The following PHF20 variants were observed in gnomAD, a reference collection of about 807,000 sequenced individuals.
PHF20 encodes PHD finger protein 20, also known as glioma-expressed antigen 2.
A neutral mutation model predicts 113.5 loss-of-function variants in PHF20; 23 were observed. The observed-to-expected ratio is 0.20, with a 90% CI of 0.15 to 0.29. The LOEUF is 0.29. Among genes scored for constraint, PHF20 ranks in the 10% least tolerant of loss-of-function variants. PHF20 has a pLI of 1.00. For synonymous variants in PHF20, 434 were observed against 457.3 expected (o/e 0.95, Z 0.65); for missense variants, 943 against 1,219.6 (o/e 0.77, Z 3.38).
At chr20:35,860,993 A>G (rs942822644) in intron 5 of PHF20, among the ~76,000 whole-genome samples, 6 of 152,080 alleles carry the variant, frequency 3.9e-5, no homozygotes, top group Admixed American at 1.3e-4. Flanking sequence ...TCATTTCCCA[A>G]TGGCCTCTGA....
intron 3 of PHF20, among the ~76,000 whole-genome samples, chr20:35,843,395 T>G (rs1277228068): frequency 6.6e-6 from 1 of 150,544 alleles, no homozygotes; most frequent in Non-Finnish European, 1.5e-5. Context: ...GGCGGGCGCC[T>G]GTAATACCAG....
At chr20:35,807,248 TGAACTTTA>T (rs1428643725) in intron 2 of PHF20, among the ~76,000 whole-genome samples, 2 of 152,194 alleles carry the variant, frequency 1.3e-5, no homozygotes, top group Non-Finnish European at 2.9e-5. Flanking sequence ...TTTTACTTTA[TGAACTTTA>T]GTGATGTTTT....
chr20:35,913,267 A>G lies in PHF20; in HGVS notation c.1580A>G (p.Lys527Arg). 6.3e-7 allele frequency: 1 copy of G among 1,599,468 alleles called. No homozygotes were observed. Among genetic ancestry groups the G allele is most frequent in the Non-Finnish European group, 8.5e-7 (1 of 1,171,258 alleles). ...ASSPTTKDKE[K>R]NKEKKFKEFV... ...ATTCTAGCTACAAAAGACAAGGAAA[A>G]GAATAAAGAGAAGAAATTCAAGGAG... is the stretch of plus-strand genomic sequence containing the variant. The change falls in exon 11 of 18, where the codon AAG becomes AGG. Residue 527 changes from lysine to arginine, a missense_variant. Transcript: ENST00000374012.
intron 1 of PHF20, among the ~76,000 whole-genome samples, chr20:35,789,817 A>C (rs2041503838): frequency 7.4e-6 from 1 of 134,918 alleles, no homozygotes; most frequent in Non-Finnish European, 1.5e-5. Flanking sequence ...AAGTGGTGGG[A>C]TTGCAGGCGT....
intron 4 of PHF20, among the ~76,000 whole-genome samples, chr20:35,852,133 A>C (rs2042743400): frequency 6.6e-6 from 1 of 152,108 alleles, no homozygotes; most frequent in African/African-American, 2.4e-5. Context: ...TGAGGTTATA[A>C]AGCGCTTGGA....
chr20:35,933,880 A>G (rs575757642), intron 15 of PHF20, among the ~76,000 whole-genome samples: 8 of 152,178 alleles, frequency 5.3e-5, no homozygotes, highest in South Asian at 2.1e-4. Flanking sequence ...ATACAGCAAC[A>G]GGGCCTTGAG....
chr20:35,914,119 C>T lies in PHF20; in HGVS notation c.1747C>T (p.His583Tyr), dbSNP rs745516781. 3 of 1,614,176 alleles carry T rather than the reference C, an allele frequency of 1.9e-6. No homozygotes were observed. The highest frequency in any genetic ancestry group is 2.5e-6 in the Non-Finnish European group (3 of 1,180,032). The change falls in exon 12 of 18, where the codon CAC (histidine) becomes TAC (tyrosine). Residue 583 changes from histidine (H) to tyrosine (Y), a missense_variant. Physicochemically the swap from His to Tyr is moderately conservative, Grantham distance 83 (BLOSUM62 2). This residue lies in a region of PHF20 where 592 missense variants were observed against 787.2 expected (regional missense o/e 0.75). Coordinates refer to ENST00000374012, the MANE Select transcript of PHF20 (RefSeq NM_016436.5). The part of the protein sequence containing the change: ...AFAVTRCGSS[H>Y]KPGVHMSPQL... The stretch of plus-strand genomic sequence containing the variant: ...TGCTGTTACCAGGTGTGGGTCCTCA[C>T]ACAAGCCAGGGGTCCATATGAGCCC...
intron 1 of PHF20, among the ~76,000 whole-genome samples, chr20:35,784,880 G>A (rs559199486): frequency 4.6e-5 from 7 of 152,056 alleles, no homozygotes; most frequent in Admixed American, 3.9e-4. Context: ...GCAAAACCCC[G>A]CCTCTATAAA....
intron 2 of PHF20, among the ~76,000 whole-genome samples, chr20:35,814,095 T>C (rs2042025397): frequency 6.6e-6 from 1 of 151,904 alleles, no homozygotes; most frequent in Admixed American, 6.6e-5. Flanking sequence ...AAAAAAGAAA[T>C]TTAGCTCTGG....
At chr20:35,937,973 G>A (rs1236077735) in intron 15 of PHF20, among the ~76,000 whole-genome samples, 2 of 152,022 alleles carry the variant, frequency 1.3e-5, no homozygotes, top group African/African-American at 4.8e-5. Flanking sequence ...CTGGGTTCAC[G>A]GCATTCTCCT....
intron 1 of PHF20, among the ~76,000 whole-genome samples, chr20:35,786,373 C>G (rs2041415841): frequency 6.7e-6 from 1 of 150,364 alleles, no homozygotes; most frequent in African/African-American, 2.5e-5. Flanking sequence ...CCTGGTGACA[C>G]AGCGCGACTC....
rs2056158055 is a variant in PHF20 at position 35,950,357 on chromosome 20, G to A, written c.*2730G>A. The A allele has an allele frequency of 6.6e-6, 1 of 152,590 alleles. No individual in the cohort carries two copies. The highest frequency in any genetic ancestry group is 2.4e-5 in the African/African-American group (1 of 41,440). 9.5% of individuals were successfully genotyped at this position (152,590 alleles called of 1,614,324 possible). On this transcript the variant is annotated 3_prime_UTR_variant, in exon 18 of 18. Coordinates refer to ENST00000374012, the MANE Select transcript of PHF20 (RefSeq NM_016436.5). ...ATCTGTATTTGGAAAAAATAAAACAGGTTCTTGTTGCTATGTTTCAGTTAC... is the reference window on the plus strand; with the variant it reads ...ATCTGTATTTGGAAAAAATAAAACAAGTTCTTGTTGCTATGTTTCAGTTAC...
chr20:35,925,455 G>A (rs1281728402), intron 13 of PHF20, among the ~76,000 whole-genome samples: 2 of 151,776 alleles, frequency 1.3e-5, no homozygotes, highest in Non-Finnish European at 2.9e-5. Context: ...TGGAGATGGG[G>A]TTTCAAACAT....
chr20:35,808,136 T>A (rs1569129771), intron 2 of PHF20, among the ~76,000 whole-genome samples: 1 of 152,202 alleles, frequency 6.6e-6, no homozygotes, highest in African/African-American at 2.4e-5. Flanking sequence ...ATGTTCATCT[T>A]AATGGTTCTT....
In PHF20 at chr20:35,917,560, G is replaced by GACC; in HGVS notation, c.1907_1909dup (p.Thr636dup). 3.5e-5 allele frequency: 57 copies of GACC among 1,614,068 alleles called. No homozygotes were observed. The highest frequency in any genetic ancestry group is 4.7e-5 in the Non-Finnish European group (56 of 1,179,994). ...ATGAGTATGGCCAAGATGTGGATGTGACCACCAACCCAGATGAGGAACTTG... is the reference window on the plus strand; with the variant it reads ...ATGAGTATGGCCAAGATGTGGATGTGACCACCACCAACCCAGATGAGGAACTTG... On this transcript the variant is annotated inframe_insertion, in exon 13 of 18. Coordinates refer to ENST00000374012, the MANE Select transcript of PHF20 (RefSeq NM_016436.5).
rs1204801020 is a variant in PHF20 at position 35,913,287 on chromosome 20, A to G, written c.1600A>G (p.Lys534Glu). Residue 534 changes from lysine (K) to glutamate (E), a missense_variant, in exon 11 of 18, where the codon AAG (lysine) becomes GAG (glutamate). Transcript: ENST00000374012. ...DKEKNKEKKF[K>E]EFVRVKPKKK... Reference sequence around the variant, plus strand: ...GGAAAAGAATAAAGAGAAGAAATTCAAGGAGTTTGTGAGAGTGAAGCCAAA... The same window carrying G: ...GGAAAAGAATAAAGAGAAGAAATTCGAGGAGTTTGTGAGAGTGAAGCCAAA... 6.2e-7 allele frequency: 1 copy of G among 1,603,522 alleles called. No homozygotes were observed. The highest frequency in any genetic ancestry group is 1.1e-5 in the South Asian group (1 of 89,400).
chr20:35,886,166 TCTCA>T (rs1371928875), intron 9 of PHF20, among the ~76,000 whole-genome samples: 1 of 149,316 alleles, frequency 6.7e-6, no homozygotes, highest in African/African-American at 2.5e-5. Context: ...TGAGACAGAG[TCTCA>T]CTCTGTTGCC....
intron 6 of PHF20, among the ~76,000 whole-genome samples, chr20:35,864,917 C>T (rs62211727): frequency 2.8e-4 from 42 of 152,202 alleles, no homozygotes; most frequent in South Asian, 1.0e-3. Flanking sequence ...ATACTGATTA[C>T]GGCTGGGCCT....
At chr20:35,803,327 A>AT (rs1416376376) in intron 2 of PHF20, among the ~76,000 whole-genome samples, 118 of 130,626 alleles carry the variant, frequency 9.0e-4, no homozygotes, top group Middle Eastern at 4.0e-3. Flanking sequence ...TTTTTGGGCT[A>AT]TTTTTTTTTT....
Sources: allele counts gnomAD v4.1 joint callset (sites outside exome capture counted in the v4.1 genomes callset), GRCh38; gene constraint gnomAD v4.1.1; regional missense constraint gnomAD v4.1.1; transcripts MANE v1.5; gene names NCBI Gene and HGNC (gene_info 2026-07-23, HGNC 2026-07-21).